The following CAMKMT variants were observed in gnomAD, a reference collection of about 807,000 sequenced individuals.
The protein encoded by CAMKMT is CaM KMT.
Under a neutral mutation model 48.0 loss-of-function variants are expected in CAMKMT, and 53 were observed. The ratio of observed to expected loss-of-function variants is 1.10; its 90% CI spans 0.89 to 1.39. The LOEUF (loss-of-function observed/expected upper bound fraction) is 1.39, where lower values mean the gene tolerates loss of function less well. CAMKMT is among the 40% of genes most tolerant of loss of function. CAMKMT has a pLI of 0.00. For missense variants in CAMKMT, 428 were observed against 402.7 expected (o/e 1.06, Z -0.54); for synonymous variants, 165 against 152.3 (o/e 1.08, Z -0.61).
chr2:44,673,987 A>C (rs1675517790), intron 3 of CAMKMT, among the ~76,000 whole-genome samples: 1 of 152,202 alleles, frequency 6.6e-6, no homozygotes, highest in African/African-American at 2.4e-5. Context: ...TGCTGAAGAA[A>C]AGTTTGAATC....
chr2:44,615,289 G>C (rs1671825005), intron 3 of CAMKMT, among the ~76,000 whole-genome samples: 1 of 151,968 alleles, frequency 6.6e-6, no homozygotes, highest in Non-Finnish European at 1.5e-5. Context: ...GCATTTGGCT[G>C]GTATATAGAG....
rs534726780 is a variant in CAMKMT, at chr2:44,367,163, C to T, written c.138+5018C>T. Among the ~76,000 whole-genome samples, 5 of 152,292 alleles carry T rather than the reference C, an allele frequency of 3.3e-5. No homozygotes were observed. In the South Asian group the frequency reaches 8.3e-4, roughly 25 times the overall value. On this transcript the variant is annotated intron_variant, in intron 1 of 10. Coordinates refer to ENST00000378494, the MANE Select transcript of CAMKMT (RefSeq NM_024766.5). Reference sequence around the variant, plus strand: ...AGAATTCTGTTAACTGTCCTTTTAACTGTAGGGTAACTGGAATTGGCCATT... The same window carrying T: ...AGAATTCTGTTAACTGTCCTTTTAATTGTAGGGTAACTGGAATTGGCCATT...
chr2:44,628,734 A>T (rs1470956763), intron 3 of CAMKMT, among the ~76,000 whole-genome samples: 1 of 152,144 alleles, frequency 6.6e-6, no homozygotes, highest in East Asian at 1.9e-4. Context: ...AATTTGGTTC[A>T]ACATATTTTT....
chr2:44,445,652 T>G (rs1389920905), intron 3 of CAMKMT, among the ~76,000 whole-genome samples: 12 of 6,808 alleles, frequency 1.8e-3, no homozygotes, highest in South Asian at 8.2e-3. Flanking sequence ...GTAGTTTTTT[T>G]TTTTTTTTTT....
intron 3 of CAMKMT, 99 bp from the exon 4 acceptor site, chr2:44,704,184 T>C (rs2104268097): frequency 1.4e-6 from 1 of 738,400 alleles, no homozygotes; most frequent in Non-Finnish European, 2.1e-6. Flanking sequence ...TGTTGTTTGA[T>C]TGAAGTTGAA....
intron 7 of CAMKMT, among the ~76,000 whole-genome samples, chr2:44,716,717 C>T (rs1279234800): frequency 3.3e-5 from 5 of 152,080 alleles, no homozygotes; most frequent in African/African-American, 7.2e-5. Context: ...GAGAGGACTT[C>T]GTTTTTGGAC....
Position 44,490,077 on chromosome 2 carries a change from G to A in CAMKMT, c.376+99772G>A, listed in dbSNP as rs555897819. On this transcript the variant is annotated intron_variant, in intron 3 of 10. Transcript: ENST00000378494. ...ATCTGCATACCAGATGCAACATCCAGTTATAGTATTATATATATTTTTAAT... is the reference window on the plus strand; with the variant it reads ...ATCTGCATACCAGATGCAACATCCAATTATAGTATTATATATATTTTTAAT... 1.8e-3 allele frequency among the ~76,000 whole-genome samples: 270 copies of A among 152,046 alleles called. 1 individual carries two copies. The highest frequency in any genetic ancestry group is 2.9e-3 in the Non-Finnish European group (197 of 68,002).
chr2:44,709,414 A>G (rs746231697), intron 6 of CAMKMT, among the ~76,000 whole-genome samples: 2 of 152,148 alleles, frequency 1.3e-5, no homozygotes, highest in Non-Finnish European at 2.9e-5. Context: ...CGTTTTTACC[A>G]TGCAGTTGTT....
At chr2:44,561,152 A>G (rs1668301477) in intron 3 of CAMKMT, among the ~76,000 whole-genome samples, 1 of 151,864 alleles carries the variant, frequency 6.6e-6, no homozygotes, top group Non-Finnish European at 1.5e-5. Flanking sequence ...TGCATGCCTC[A>G]GCATTCTGGA....
chr2:44,402,997 T>C (rs1383723158), intron 3 of CAMKMT, among the ~76,000 whole-genome samples: 1 of 151,900 alleles, frequency 6.6e-6, no homozygotes, highest in Non-Finnish European at 1.5e-5. Context: ...CTTTGGTCTC[T>C]GTCTGTTACA....
At chr2:44,622,399 T>A (rs891683741) in intron 3 of CAMKMT, among the ~76,000 whole-genome samples, 3 of 152,212 alleles carry the variant, frequency 2.0e-5, no homozygotes, top group Non-Finnish European at 2.9e-5. Context: ...TACAAAGACA[T>A]ATTGCATGAT....
chr2:44,678,530 C>T (rs375309578), intron 3 of CAMKMT, among the ~76,000 whole-genome samples: 14 of 152,342 alleles, frequency 9.2e-5, no homozygotes, highest in African/African-American at 3.4e-4. Flanking sequence ...ATTCATTACT[C>T]CTGCCTCATT....
chr2:44,746,967 A>G (rs777547072), intron 8 of CAMKMT, among the ~76,000 whole-genome samples: 10 of 152,168 alleles, frequency 6.6e-5, no homozygotes, highest in Non-Finnish European at 1.3e-4. Context: ...ACGGCCCTCC[A>G]GTTTATTGTA....
intron 3 of CAMKMT, among the ~76,000 whole-genome samples, chr2:44,594,759 C>T (rs1425731504): frequency 2.6e-5 from 4 of 152,186 alleles, no homozygotes; most frequent in Admixed American, 2.0e-4. Context: ...TGGGCAAAGA[C>T]TTTATGACTA....
At chr2:44,734,266 C>T (rs533202095) in intron 7 of CAMKMT, among the ~76,000 whole-genome samples, 31 of 152,120 alleles carry the variant, frequency 2.0e-4, no homozygotes, top group East Asian at 3.9e-4. Flanking sequence ...TTTCATTCAA[C>T]GCAAAATAAT....
chr2:44,488,718 A>C (rs188178560), intron 3 of CAMKMT, among the ~76,000 whole-genome samples: 17 of 152,116 alleles, frequency 1.1e-4, no homozygotes, highest in Middle Eastern at 6.8e-3. Context: ...ACAAAAAAAA[A>C]ACTCACCCCA....
intron 7 of CAMKMT, among the ~76,000 whole-genome samples, chr2:44,721,680 T>C (rs568403869): frequency 3.3e-4 from 51 of 152,296 alleles, no homozygotes; most frequent in Middle Eastern, 3.4e-3. Context: ...AAAAGAAAGC[T>C]CATACTTGGC....
chr2:44,654,387 G>A (rs983587087), intron 3 of CAMKMT, among the ~76,000 whole-genome samples: 3 of 151,858 alleles, frequency 2.0e-5, no homozygotes, highest in Non-Finnish European at 4.4e-5. Flanking sequence ...GAAAATATAG[G>A]TAATCATGAA....
intron 3 of CAMKMT, among the ~76,000 whole-genome samples, chr2:44,604,114 C>G (rs889882354): frequency 6.6e-6 from 1 of 152,056 alleles, no homozygotes; most frequent in South Asian, 2.1e-4. Context: ...AGTTAAAGTC[C>G]TCTAGATGAG....
Sources: gnomAD v4.1 joint callset for allele counts (sites outside exome capture counted in the v4.1 genomes callset) on GRCh38, gnomAD v4.1.1 for gene constraint, MANE v1.5 for transcripts, NCBI Gene and HGNC (gene_info 2026-07-23, HGNC 2026-07-21) for gene names.